KCNIP1: variants seen among roughly 807,000 people sequenced by gnomAD.
KCNIP1 encodes potassium voltage-gated channel interacting protein 1, also known as A-type potassium channel modulatory protein KCNIP1.
KCNIP1 carries 18 observed loss-of-function variants against 33.0 expected under a neutral mutation model. The observed-to-expected ratio is 0.55, with a 90% CI of 0.38 to 0.81. KCNIP1 has a LOEUF of 0.81. Ranked by LOEUF, KCNIP1 falls within the 30% of genes least tolerant of loss-of-function variation. The probability of loss-of-function intolerance (pLI) is 0.00; values close to 1 mark genes in which losing one functional copy is unlikely to be tolerated. For missense variants in KCNIP1, 238 were observed against 271.6 expected (o/e 0.88, Z 0.87); for synonymous variants, 93 against 98.3 (o/e 0.95, Z 0.32).
At chr5:170,587,161 C>G (rs938065075) in intron 1 of KCNIP1, among the ~76,000 whole-genome samples, 1 of 152,118 alleles carries the variant, frequency 6.6e-6, no homozygotes, top group Non-Finnish European at 1.5e-5. Context: ...GTGGCTCATG[C>G]CTGTAATCCC....
At chr5:170,354,657 C>T (rs1285963832) in intron 1 of KCNIP1, among the ~76,000 whole-genome samples, 1 of 152,280 alleles carries the variant, frequency 6.6e-6, no homozygotes, top group South Asian at 2.1e-4. Flanking sequence ...TGGCTATGGA[C>T]CAGAATTAGG....
At chr5:170,599,761 A>T (rs1289819519) in intron 1 of KCNIP1, among the ~76,000 whole-genome samples, 1 of 152,242 alleles carries the variant, frequency 6.6e-6, no homozygotes, top group Non-Finnish European at 1.5e-5. Flanking sequence ...TTTCACCTGC[A>T]TATCCTCTCC....
At position 170,617,415 on chromosome 5, in the gene KCNIP1, G is replaced by A. The variant is rs573977765; in HGVS notation, c.62-101343G>A. On this transcript the variant is annotated intron_variant, in intron 1 of 7. Coordinates refer to ENST00000328939, the MANE Select transcript of KCNIP1 (RefSeq NM_014592.4). ...TTTTGACCCCTCCAGACAATGCACC[G>A]TGATCTTCTGGCTTCCATATGTCCC... 2.3e-3 allele frequency among the ~76,000 whole-genome samples: 349 copies of A among 152,252 alleles called. 1 individual carries two copies. Among genetic ancestry groups the A allele is most frequent in the African/African-American group, 6.5e-3 (268 of 41,544 alleles).
chr5:170,697,768 C>G (rs1328764835), intron 1 of KCNIP1, among the ~76,000 whole-genome samples: 1 of 152,158 alleles, frequency 6.6e-6, no homozygotes, highest in African/African-American at 2.4e-5. Flanking sequence ...AGATAATGAA[C>G]ATAAAGCTCT....
In KCNIP1 at chr5:170,441,951, CAAA is replaced by C. The variant is rs34610945; in HGVS notation, c.88+88009_88+88011del. Among the ~76,000 whole-genome samples, 137 of 72,226 alleles carry C rather than the reference CAAA, an allele frequency of 1.9e-3. 1 individual carries two copies. The highest frequency in any genetic ancestry group is 9.2e-3 in the South Asian group (15 of 1,628). 47.4% of individuals were successfully genotyped at this position (72,226 alleles called of 152,430 possible). A position where few individuals can be genotyped will look rare whatever the true frequency, so the allele number is the denominator to read the frequency against. On this transcript the variant is annotated intron_variant, in intron 1 of 7. Coordinates refer to the KCNIP1 transcript ENST00000377360. Reference sequence around the variant, plus strand: ...TGGGTGACAGAGCGAGACTCCATCTCAAAAAAAAAAAAAAAAAAAAAAAAGAAT... The same window carrying C: ...TGGGTGACAGAGCGAGACTCCATCTCAAAAAAAAAAAAAAAAAAAAAGAAT...
intron 1 of KCNIP1, among the ~76,000 whole-genome samples, chr5:170,446,123 G>A (rs1756107464): frequency 6.6e-6 from 1 of 152,152 alleles, no homozygotes; most frequent in South Asian, 2.1e-4. Context: ...AGTCGCCCAG[G>A]AAGTCTCCCT....
At chr5:170,564,549 C>G (rs779020821) in intron 1 of KCNIP1, among the ~76,000 whole-genome samples, 1 of 152,182 alleles carries the variant, frequency 6.6e-6, no homozygotes, top group African/African-American at 2.4e-5. Flanking sequence ...CCCCACCTTC[C>G]TGATCTACTG....
At chr5:170,558,404 A>G (rs1239243078) in intron 1 of KCNIP1, among the ~76,000 whole-genome samples, 2 of 152,190 alleles carry the variant, frequency 1.3e-5, no homozygotes, top group East Asian at 1.9e-4. Flanking sequence ...ATAAAAAATT[A>G]ATTTTTTAAA....
intron 1 of KCNIP1, among the ~76,000 whole-genome samples, chr5:170,651,831 CAT>C (rs1761056845): frequency 6.6e-6 from 1 of 152,144 alleles, no homozygotes; most frequent in Non-Finnish European, 1.5e-5. Flanking sequence ...ATGCTGGAGA[CAT>C]AATTTCCAGT....
chr5:170,527,701 G>A (rs531251799), intron 1 of KCNIP1, among the ~76,000 whole-genome samples: 1 of 150,616 alleles, frequency 6.6e-6, no homozygotes, highest in African/African-American at 2.4e-5. Context: ...GAGTTCTGAT[G>A]TGGGAGAGTC....
intron 1 of KCNIP1, among the ~76,000 whole-genome samples, chr5:170,570,604 C>T (rs1346694797): frequency 6.6e-6 from 1 of 152,230 alleles, no homozygotes; most frequent in Non-Finnish European, 1.5e-5. Context: ...ATTTTAATCA[C>T]AGCATTCCTC....
chr5:170,593,007 A>G (rs1396699120), intron 1 of KCNIP1, among the ~76,000 whole-genome samples: 1 of 152,146 alleles, frequency 6.6e-6, no homozygotes, highest in African/African-American at 2.4e-5. Context: ...GACTATGGAT[A>G]TGCTTCTATA....
At chr5:170,699,864 G>A (rs1385096864) in intron 1 of KCNIP1, among the ~76,000 whole-genome samples, 1 of 152,196 alleles carries the variant, frequency 6.6e-6, no homozygotes, top group Non-Finnish European at 1.5e-5. Flanking sequence ...AGGACACGAA[G>A]CCAGCAGGCA....
intron 1 of KCNIP1, among the ~76,000 whole-genome samples, chr5:170,531,255 C>A (rs1360133981): frequency 6.6e-6 from 1 of 152,156 alleles, no homozygotes; most frequent in Non-Finnish European, 1.5e-5. Context: ...CCTTCTACAG[C>A]AGTACTTTGA....
At chr5:170,714,676 A>T (rs186514339) in intron 1 of KCNIP1, among the ~76,000 whole-genome samples, 17 of 152,278 alleles carry the variant, frequency 1.1e-4, no homozygotes, top group African/African-American at 2.6e-4. Flanking sequence ...TTGTAATTTT[A>T]AAAAAAGGGT....
At chr5:170,666,943 CT>C (rs1388535118) in intron 1 of KCNIP1, among the ~76,000 whole-genome samples, 5 of 152,254 alleles carry the variant, frequency 3.3e-5, no homozygotes, top group Non-Finnish European at 5.9e-5. Context: ...TCATTTTCCT[CT>C]TCTTTACGAA....
At chr5:170,421,977 GTGTT>G (rs1390943383) in intron 1 of KCNIP1, 1 of 152,214 alleles carries the variant, frequency 6.6e-6, no homozygotes, top group Non-Finnish European at 1.5e-5. Flanking sequence ...CCAGGAAGCA[GTGTT>G]TGGAGCTGAG....
chr5:170,664,898 G>A (rs1761645170), intron 1 of KCNIP1, among the ~76,000 whole-genome samples: 1 of 152,104 alleles, frequency 6.6e-6, no homozygotes, highest in South Asian at 2.1e-4. Flanking sequence ...GCACTCAGTA[G>A]GTCCATGGTA....
At chr5:170,733,955 C>G in intron 7 of KCNIP1, 57 bp downstream of exon 7, 1 of 1,441,876 alleles carries the variant, frequency 6.9e-7, no homozygotes, top group Non-Finnish European at 9.7e-7. Flanking sequence ...AACCTGGGGC[C>G]TGGGGACCTG....
Sources: allele counts gnomAD v4.1 joint callset (sites outside exome capture counted in the v4.1 genomes callset), GRCh38; gene constraint gnomAD v4.1.1; transcripts MANE v1.5; gene names NCBI Gene and HGNC (gene_info 2026-07-23, HGNC 2026-07-21).